Variants in KMT2C observed in about 807,000 individuals in gnomAD.
KMT2C encodes lysine methyltransferase 2C, also known as histone-lysine N-methyltransferase 2C.
Under a neutral mutation model 507.9 loss-of-function variants are expected in KMT2C, and 88 were observed. The ratio of observed to expected loss-of-function variants is 0.17; its 90% CI spans 0.15 to 0.21. KMT2C has a LOEUF of 0.21. Among genes scored for constraint, KMT2C ranks in the 10% least tolerant of loss-of-function variants. KMT2C has a pLI of 1.00. For missense variants in KMT2C, 4,954 were observed against 5,957.8 expected (o/e 0.83, Z 5.55); for synonymous variants, 2,049 against 2,080.8 (o/e 0.98, Z 0.42).
At position 152,159,006 on chromosome 7, in the gene KMT2C, C is replaced by T. The variant is rs1254415890; in HGVS notation, c.11527G>A (p.Gly3843Arg). 1 of 1,614,206 alleles carries T rather than the reference C, an allele frequency of 6.2e-7. No homozygotes were observed. Among genetic ancestry groups the T allele is most frequent in the Non-Finnish European group, 8.5e-7 (1 of 1,180,038 alleles). The change falls in exon 44 of 59, where the codon GGA becomes AGA. Residue 3843 changes from glycine (G) to arginine (R), a missense_variant. Physicochemically the swap from Gly to Arg is moderately radical, Grantham distance 125. Coordinates refer to ENST00000262189, the MANE Select transcript of KMT2C (RefSeq NM_170606.3). The part of the protein sequence containing the change: ...CGNQLPKTDG[G>R]SETKKQRSKR... ...CTTCGCTGTTTCTTGGTTTCACTTC[C>T]TCCATCTGTTTTTGGCAACTGGTTG...
intron 6 of KMT2C, among the ~76,000 whole-genome samples, chr7:152,286,199 T>C (rs1192674615): frequency 1.5e-4 from 23 of 152,190 alleles, no homozygotes; most frequent in Non-Finnish European, 2.6e-4. Context: ...AACATTCATG[T>C]AATTAGAGTT....
chr7:152,268,717 T>C (rs1315228041), intron 7 of KMT2C, among the ~76,000 whole-genome samples: 1 of 152,176 alleles, frequency 6.6e-6, no homozygotes, highest in Non-Finnish European at 1.5e-5. Context: ...CGTAAAACTT[T>C]TAAAAATTGG....
At chr7:152,396,494 ATAAT>A (rs2097539038) in intron 1 of KMT2C, among the ~76,000 whole-genome samples, 1 of 152,196 alleles carries the variant, frequency 6.6e-6, no homozygotes, top group Non-Finnish European at 1.5e-5. Context: ...TGTAATTCTC[ATAAT>A]TATTATGAAA....
intron 9 of KMT2C, among the ~76,000 whole-genome samples, chr7:152,256,919 C>T (rs1353749153): frequency 6.6e-6 from 1 of 152,048 alleles, no homozygotes; most frequent in South Asian, 2.1e-4. Context: ...ATGCAAAGTA[C>T]CATAAGCCCC....
At chr7:152,361,281 C>T (rs1427239448) in intron 1 of KMT2C, among the ~76,000 whole-genome samples, 1 of 152,172 alleles carries the variant, frequency 6.6e-6, no homozygotes, top group Non-Finnish European at 1.5e-5. Context: ...TGTTTTTAGG[C>T]TGGGCACGGT....
At chr7:152,165,618 T>C (rs867009719) in intron 42 of KMT2C, among the ~76,000 whole-genome samples, 2 of 152,290 alleles carry the variant, frequency 1.3e-5, no homozygotes, top group Middle Eastern at 3.4e-3. Context: ...ATAAGACACG[T>C]GAGTCCAAAT....
intron 1 of KMT2C, among the ~76,000 whole-genome samples, chr7:152,435,263 TG>T (rs2097906321): frequency 6.6e-6 from 1 of 151,952 alleles, no homozygotes; most frequent in African/African-American, 2.4e-5. Context: ...GGGGACTACC[TG>T]GGCGCGCTCC....
At chr7:152,348,621 A>AAAAG (rs1203118324) in intron 2 of KMT2C, among the ~76,000 whole-genome samples, 12 of 143,212 alleles carry the variant, frequency 8.4e-5, no homozygotes, top group African/African-American at 2.3e-4. Context: ...AAAAAAAAAA[A>AAAAG]AAAGAAAGAA....
At chr7:152,395,795 T>C (rs955039717) in intron 1 of KMT2C, among the ~76,000 whole-genome samples, 1 of 152,184 alleles carries the variant, frequency 6.6e-6, no homozygotes, top group East Asian at 1.9e-4. Context: ...TTCTAAGTTT[T>C]ATACCTAAAT....
At chr7:152,213,075 A>G (rs2094492055) in intron 23 of KMT2C, among the ~76,000 whole-genome samples, 1 of 152,232 alleles carries the variant, frequency 6.6e-6, no homozygotes, top group South Asian at 2.1e-4. Flanking sequence ...CTAAAGACAC[A>G]AATAAATATA....
Position 152,162,173 on chromosome 7 carries a change from C to G in KMT2C, c.11404G>C (p.Asp3802His), listed in dbSNP as rs2092490583. The change falls in exon 43 of 59, where the codon GAT becomes CAT. Residue 3802 changes from aspartate (D) to histidine (H), a missense_variant. Asp to His is a moderately conservative substitution (Grantham distance 81). Around this residue, in one of 29 missense-constraint regions of KMT2C, gnomAD observed 801 missense variants for 751.2 expected, o/e 1.07. Coordinates refer to ENST00000262189, the MANE Select transcript of KMT2C (RefSeq NM_170606.3). ...QKPEGSICSEDDCTKDNKLVE... is the reference protein window; with the variant it reads ...QKPEGSICSEHDCTKDNKLVE... ...AGTTTATTATCCTTTGTACAGTCAT[C>G]TTCTGAACAAATACTGCCCTCAGGT... 6.2e-7 allele frequency: 1 copy of G among 1,610,380 alleles called. No homozygotes were observed. The highest frequency in any genetic ancestry group is 1.7e-5 in the Admixed American group (1 of 59,706).
At chr7:152,336,377 C>CAAACAATTGTCAG (rs1275701280) in intron 2 of KMT2C, among the ~76,000 whole-genome samples, 1 of 152,114 alleles carries the variant, frequency 6.6e-6, no homozygotes, top group African/African-American at 2.4e-5. Context: ...TCCTAGTCTT[C>CAAACAATTGTCAG]AAACAATTGT....
intron 1 of KMT2C, among the ~76,000 whole-genome samples, chr7:152,414,301 G>A (rs1318069048): frequency 6.6e-6 from 1 of 151,630 alleles, no homozygotes; most frequent in African/African-American, 2.4e-5. Flanking sequence ...GGCCAAGGGG[G>A]TGCGGATCAC....
chr7:152,229,689 A>G (rs1197193179), intron 18 of KMT2C, among the ~76,000 whole-genome samples: 1 of 152,196 alleles, frequency 6.6e-6, no homozygotes. Context: ...AATTAAATGC[A>G]TATATTTTTA....
At chr7:152,332,234 C>T (rs1334738210) in intron 2 of KMT2C, among the ~76,000 whole-genome samples, 1 of 152,114 alleles carries the variant, frequency 6.6e-6, no homozygotes, top group Admixed American at 6.5e-5. Flanking sequence ...CCCCTAACAT[C>T]ATTCTTCTTG....
intron 6 of KMT2C, among the ~76,000 whole-genome samples, chr7:152,288,690 GAATA>G (rs2096352359): frequency 6.6e-6 from 1 of 152,036 alleles, no homozygotes; most frequent in Non-Finnish European, 1.5e-5. Flanking sequence ...TCAAGAAATT[GAATA>G]AATCCTAAGA....
chr7:152,359,403 A>G (rs1010681390), intron 1 of KMT2C, among the ~76,000 whole-genome samples: 1 of 152,210 alleles, frequency 6.6e-6, no homozygotes, highest in African/African-American at 2.4e-5. Context: ...TTACACATAA[A>G]AACTTGGAAA....
chr7:152,180,461 A>G (rs1235975456), intron 36 of KMT2C, among the ~76,000 whole-genome samples: 1 of 152,258 alleles, frequency 6.6e-6, no homozygotes, highest in Non-Finnish European at 1.5e-5. Context: ...TCCTTGCCAG[A>G]CAACTATCAC....
rs551583750 is a variant in KMT2C, at chr7:152,379,877, C to T, written c.162-21202G>A. On this transcript the variant is annotated intron_variant, in intron 1 of 58. Coordinates refer to ENST00000262189, the MANE Select transcript of KMT2C (RefSeq NM_170606.3). The stretch of plus-strand genomic sequence containing the variant: ...TTAGGAGGCTGTAATGGGAGGATCA[C>T]TTGAGCCCATGGGTTCGAGACCAGC... Among the ~76,000 whole-genome samples, 17 of 152,420 alleles carry T rather than the reference C, an allele frequency of 1.1e-4. No homozygotes were observed. The South Asian group carries it at 3.5e-3, about 32-fold the overall frequency.
Sources: gnomAD v4.1 joint callset for allele counts (sites outside exome capture counted in the v4.1 genomes callset) on GRCh38, gnomAD v4.1.1 for gene constraint, gnomAD v4.1.1 regional missense constraint, MANE v1.5 for transcripts, NCBI Gene and HGNC (gene_info 2026-07-23, HGNC 2026-07-21) for gene names.